ZKSCAN1: variants seen among roughly 807,000 people sequenced by gnomAD.
The protein encoded by ZKSCAN1 is zinc finger with KRAB and SCAN domains 1.
In ZKSCAN1, 14 loss-of-function variants were observed where a neutral mutation model predicts 51.6. That is an observed-to-expected ratio of 0.27 (90% CI 0.18 to 0.42). ZKSCAN1 has a LOEUF of 0.42. Ranked by LOEUF, ZKSCAN1 falls within the 10% of genes least tolerant of loss-of-function variation. ZKSCAN1 has a pLI of 1.00. For synonymous variants in ZKSCAN1, 263 were observed against 261.5 expected (o/e 1.01, Z -0.06); for missense variants, 531 against 710.0 (o/e 0.75, Z 2.86).
chr7:100,037,337 G>GT lies in ZKSCAN1; in HGVS notation c.*3141dup, dbSNP rs1212440239. ...AGAAGTAAAATCCTCAGGTTGTGGG[G>GT]TATTTGTTTCTACTCCAGCCTGGCA... On this transcript the variant is annotated 3_prime_UTR_variant, in exon 6 of 6. Transcript: ENST00000324306. 1.0e-6 allele frequency: 1 copy of GT among 985,262 alleles called. No individual in the cohort carries two copies. Among genetic ancestry groups the GT allele is most frequent in the African/African-American group, 1.7e-5 (1 of 57,230 alleles). 61.0% of individuals were successfully genotyped at this position (985,262 alleles called of 1,614,324 possible).
In ZKSCAN1 at chr7:100,024,246, C is replaced by T. The variant is rs774416307; in HGVS notation, c.519C>T (p.His173=). 8.6e-5 allele frequency: 138 copies of T among 1,613,998 alleles called. No individual in the cohort carries two copies. The Middle Eastern group carries it at 2.1e-3, about 25-fold the overall frequency. ...AGTCCTCGAGCTTTGACCTTCATCA[C>T]GAGGCCACCCAGTCCCACTTCAAAC... The part of the protein sequence containing the change: ...VQESSSFDLH[H]EATQSHFKHS... Residue 173 remains histidine (H), a synonymous_variant, in exon 3 of 6, where the codon CAC becomes CAT. Transcript: ENST00000324306.
At chr7:100,026,802 T>G (rs536840521) in intron 3 of ZKSCAN1, among the ~76,000 whole-genome samples, 1 of 152,272 alleles carries the variant, frequency 6.6e-6, no homozygotes, top group African/African-American at 2.4e-5. Flanking sequence ...ACTTTTTGAT[T>G]TTTTTAACTT....
chr7:100,030,318 C>G lies in ZKSCAN1; in HGVS notation c.742C>G (p.Arg248Gly). Reference protein sequence around the residue: ...LEEWGCQNLARRNLSRDNRQE... With the variant: ...LEEWGCQNLAGRNLSRDNRQE... Reference sequence around the variant, plus strand: ...GGAATGGGGATGTCAGAATCTGGCTCGGAGGAATCTCAGTAGGGACAACAG... The same window carrying G: ...GGAATGGGGATGTCAGAATCTGGCTGGGAGGAATCTCAGTAGGGACAACAG... Residue 248 changes from arginine (R) to glycine (G), a missense_variant, in exon 5 of 6, where the codon CGG (arginine) becomes GGG (glycine). Coordinates refer to ENST00000324306, the MANE Select transcript of ZKSCAN1 (RefSeq NM_003439.4). The G allele has an allele frequency of 6.2e-7, 1 of 1,614,052 alleles. No homozygotes were observed. Among genetic ancestry groups the G allele is most frequent in the Non-Finnish European group, 8.5e-7 (1 of 1,180,016 alleles).
At chr7:100,043,132 C>T (rs1039108904), downstream of ZKSCAN1, among the ~76,000 whole-genome samples, 1 of 150,990 alleles carries the variant, frequency 6.6e-6, no homozygotes, top group Non-Finnish European at 1.5e-5. Context: ...GACAGTCTGG[C>T]TATTTCCCAA....
chr7:100,021,104 C>CT (rs1348626741), intron 1 of ZKSCAN1, among the ~76,000 whole-genome samples: 32 of 99,808 alleles, frequency 3.2e-4, no homozygotes, highest in South Asian at 2.3e-3. Flanking sequence ...TTCCAAGTTT[C>CT]TTTTTTTTTT....
chr7:100,031,662 C>T (rs761510773), intron 5 of ZKSCAN1, among the ~76,000 whole-genome samples: 3 of 152,094 alleles, frequency 2.0e-5, no homozygotes, highest in African/African-American at 7.2e-5. Flanking sequence ...TTACTAATGT[C>T]GTAACCACTT....
rs67110214 is a variant in ZKSCAN1 at position 100,036,116 on chromosome 7, G to C, written c.*1919G>C. ...GGTTTTATATGGAACCAACGAAGTG[G>C]GAGCTAAAACTGCACAGTGGTCATT... is the stretch of plus-strand genomic sequence containing the variant. On this transcript the variant is annotated 3_prime_UTR_variant, in exon 6 of 6. Coordinates refer to ENST00000324306, the MANE Select transcript of ZKSCAN1 (RefSeq NM_003439.4). 271,672 of 984,920 alleles carry C rather than the reference G, an allele frequency of 0.28. 38,791 individuals are homozygous for C. Among genetic ancestry groups the C allele is most frequent in the Middle Eastern group, 0.49 (931 of 1,912 alleles). 61.0% of individuals were successfully genotyped at this position (984,920 alleles called of 1,614,324 possible).
rs552721614 is a variant in ZKSCAN1 at position 100,032,608 on chromosome 7, C to T, written c.800-697C>T. On this transcript the variant is annotated intron_variant, in intron 5 of 5. Coordinates refer to ENST00000324306, the MANE Select transcript of ZKSCAN1 (RefSeq NM_003439.4). ...GGGTGCAGTGGCTCATGCCTGTAAT[C>T]CCATCACTTTGGGAGGCCAGGGCAG... Among the ~76,000 whole-genome samples, 12 of 152,312 alleles carry T rather than the reference C, an allele frequency of 7.9e-5. No homozygotes were observed. In the South Asian group the frequency reaches 2.5e-3, roughly 32 times the overall value.
At chr7:100,042,037 G>A (rs1395840424), downstream of ZKSCAN1, among the ~76,000 whole-genome samples, 2 of 152,164 alleles carry the variant, frequency 1.3e-5, no homozygotes, top group African/African-American at 2.4e-5. Flanking sequence ...TGATAGACAT[G>A]GCCAGCCATG....
rs143752169 is a variant in ZKSCAN1, at chr7:100,032,258, T to G, written c.800-1047T>G. Among the ~76,000 whole-genome samples the G allele has an allele frequency of 5.8e-3, 882 of 152,324 alleles. 4 individuals carry two copies. Among genetic ancestry groups the G allele is most frequent in the Non-Finnish European group, 8.7e-3 (591 of 68,032 alleles). On this transcript the variant is annotated intron_variant, in intron 5 of 5. Transcript: ENST00000324306. ...TAATGTTAGAAATGGAACATGATGT[T>G]TTAAATGTATACATAAACCTTCCAA...
chr7:100,025,786 G>C (rs920575795), intron 3 of ZKSCAN1, among the ~76,000 whole-genome samples: 1 of 152,154 alleles, frequency 6.6e-6, no homozygotes, highest in African/African-American at 2.4e-5. Context: ...AGTAAAAACA[G>C]AGTATAAAAG....
chr7:100,030,859 C>G (rs890899541), intron 5 of ZKSCAN1, among the ~76,000 whole-genome samples: 2 of 152,190 alleles, frequency 1.3e-5, no homozygotes, highest in Non-Finnish European at 2.9e-5. Flanking sequence ...AGTGTGATTC[C>G]AATACACTGC....
At position 100,040,259 on chromosome 7, in the gene ZKSCAN1, G is replaced by A. The variant is rs905600164; in HGVS notation, c.*6062G>A. 1 of 985,400 alleles carries A rather than the reference G, an allele frequency of 1.0e-6. No individual in the cohort carries two copies. 61.0% of individuals were successfully genotyped at this position (985,400 alleles called of 1,614,324 possible). A position where few individuals can be genotyped will look rare whatever the true frequency, so the allele number is the denominator to read the frequency against. On this transcript the variant is annotated 3_prime_UTR_variant, in exon 6 of 6. Transcript: ENST00000324306. Reference sequence around the variant, plus strand: ...ATAGCGGACACCACCCCAATCTCATGTTTTCCTGTTACCCTAAAACAGTGG... The same window carrying A: ...ATAGCGGACACCACCCCAATCTCATATTTTCCTGTTACCCTAAAACAGTGG...
downstream of ZKSCAN1, among the ~76,000 whole-genome samples, chr7:100,042,202 C>T (rs13232865): frequency 0.018 from 2,715 of 152,002 alleles, 31 homozygotes; most frequent in Non-Finnish European, 0.029. Context: ...GCCTGTAGTC[C>T]CAGCTACTCG....
At chr7:100,029,164 C>CAAAAAAA (rs56176717) in intron 3 of ZKSCAN1, among the ~76,000 whole-genome samples, 1 of 120,292 alleles carries the variant, frequency 8.3e-6, no homozygotes, top group Non-Finnish European at 1.7e-5. Flanking sequence ...AACTCTGTCT[C>CAAAAAAA]AAAAAAAAAA....
chr7:100,029,263 G>C (rs538203197), intron 3 of ZKSCAN1, among the ~76,000 whole-genome samples: 3 of 149,514 alleles, frequency 2.0e-5, no homozygotes, highest in African/African-American at 7.4e-5. Flanking sequence ...TTTTTTTGTT[G>C]TTGTTTTTCT....
Position 100,037,931 on chromosome 7 carries a change from A to G in ZKSCAN1, c.*3734A>G. On this transcript the variant is annotated 3_prime_UTR_variant, in exon 6 of 6. Coordinates refer to ENST00000324306, the MANE Select transcript of ZKSCAN1 (RefSeq NM_003439.4). ...GCTACTCGGGAGGCTGAGGCAGGAG[A>G]ATGGCTTGAACCTGCGAGGCGGAGG... 1.2e-6 allele frequency: 1 copy of G among 811,366 alleles called. No homozygotes were observed. Among genetic ancestry groups the G allele is most frequent in the Non-Finnish European group, 1.5e-6 (1 of 671,532 alleles). 50.3% of individuals were successfully genotyped at this position (811,366 alleles called of 1,614,324 possible).
intron 3 of ZKSCAN1, chr7:100,024,608 A>T: frequency 3.3e-6 from 1 of 300,380 alleles, no homozygotes; most frequent in South Asian, 3.7e-5. Context: ...CTACTTACAG[A>T]AAAGAATTAG....
intron 1 of ZKSCAN1, among the ~76,000 whole-genome samples, chr7:100,022,191 A>G (rs1443762351): frequency 1.3e-5 from 2 of 152,144 alleles, no homozygotes; most frequent in African/African-American, 4.8e-5. Flanking sequence ...AGTAGCTGGG[A>G]CTACAGGTGC....
Sources: allele counts gnomAD v4.1 joint callset (sites outside exome capture counted in the v4.1 genomes callset), GRCh38; gene constraint gnomAD v4.1.1; transcripts MANE v1.5; gene names NCBI Gene and HGNC (gene_info 2026-07-23, HGNC 2026-07-21).